The following KIF5B variants were observed in gnomAD, a reference collection of about 807,000 sequenced individuals.
KIF5B encodes the protein kinesin-1 heavy chain.
A neutral mutation model predicts 132.8 loss-of-function variants in KIF5B; 49 were observed. The ratio of observed to expected loss-of-function variants is 0.37; its 90% confidence interval spans 0.29 to 0.47. The LOEUF (loss-of-function observed/expected upper bound fraction) is 0.47. KIF5B is among the 20% of genes least tolerant of loss of function. The pLI, the probability that KIF5B is intolerant of heterozygous loss-of-function variation, is 1.00. For synonymous variants in KIF5B, 355 were observed against 369.4 expected, an observed-to-expected ratio of 0.96 and a Z score of 0.45; for missense variants, 780 against 1,144.0, an observed-to-expected ratio of 0.68 and a Z score of 4.59.
intron 2 of KIF5B, among the ~76,000 whole-genome samples, chr10:32,041,113 T>A (rs1841530959): frequency 1.4e-5 from 2 of 141,078 alleles, no homozygotes; most frequent in Non-Finnish European, 3.0e-5. Context: ...GCCACTGCAC[T>A]CCAGCCTGGG....
Position 32,055,994 on chromosome 10 carries a change from G to C in KIF5B, c.-21C>G. The C allele has an allele frequency of 6.3e-7, 1 of 1,596,542 alleles. No homozygotes were observed. The highest frequency in any genetic ancestry group is 8.5e-7 in the Non-Finnish European group (1 of 1,178,760). On this transcript the variant is annotated 5_prime_UTR_variant, in exon 1 of 26. Coordinates refer to ENST00000302418, the MANE Select transcript of KIF5B (RefSeq NM_004521.3). Reference sequence around the variant, plus strand: ...GCCATCTTTCTCGCAGCCGGGGCCGGCGGCCGGGAGCCACTCCCCGCCGCT... The same window carrying C: ...GCCATCTTTCTCGCAGCCGGGGCCGCCGGCCGGGAGCCACTCCCCGCCGCT...
chr10:32,038,290 G>T, intron 5 of KIF5B, 72 bp from the exon 6 acceptor site: 2 of 1,014,822 alleles, frequency 2.0e-6, no homozygotes, highest in Non-Finnish European at 3.1e-6. Context: ...TAACTGATAG[G>T]CTTTCCTGAG....
chr10:32,050,717 T>A (rs1342901974), intron 1 of KIF5B, among the ~76,000 whole-genome samples: 1 of 152,258 alleles, frequency 6.6e-6, no homozygotes, highest in Admixed American at 6.5e-5. Context: ...TAGGCATCGA[T>A]GTCTGATTAT....
intron 13 of KIF5B, among the ~76,000 whole-genome samples, chr10:32,032,057 G>T (rs995238764): frequency 1.3e-5 from 2 of 151,614 alleles, no homozygotes; most frequent in African/African-American, 4.8e-5. Flanking sequence ...GGGATGCCAA[G>T]AGACTAGTTA....
At chr10:32,020,027 T>C (rs1193054123) in intron 19 of KIF5B, 68 bp from the exon 20 acceptor site, 14 of 1,061,284 alleles carry the variant, frequency 1.3e-5, no homozygotes, top group African/African-American at 3.2e-5. Context: ...TCATTAAAAT[T>C]TCCAAACTTT....
chr10:32,031,486 CTG>C (rs1010791630), intron 13 of KIF5B, among the ~76,000 whole-genome samples: 2 of 152,078 alleles, frequency 1.3e-5, no homozygotes, highest in African/African-American at 4.8e-5. Flanking sequence ...AAATCAAAGA[CTG>C]TGTTTAAGGA....
chr10:32,031,381 G>A, intron 13 of KIF5B, 102 bp from the exon 14 acceptor site: 1 of 833,904 alleles, frequency 1.2e-6, no homozygotes, highest in African/African-American at 1.7e-5. Flanking sequence ...GTGAAATATG[G>A]ATGGTATTCA....
Position 32,015,627 on chromosome 10 carries a change from C to T in KIF5B, c.2794G>A (p.Ala932Thr). ...KPIRPGQHPAASPTHPSAIRG... is the reference protein window; with the variant it reads ...KPIRPGQHPATSPTHPSAIRG... ...ATTGCACTTGGGTGAGTTGGAGAAG[C>T]TGCTGGATGTTGCCCGGGACGAATA... The change falls in exon 25 of 26, where the codon GCT (alanine) becomes ACT (threonine). Residue 932 changes from alanine (A) to threonine (T), a missense_variant. This residue lies in a region of KIF5B where 90 missense variants were observed against 101.8 expected (regional missense o/e 0.88). Transcript: ENST00000302418. The T allele has an allele frequency of 6.2e-7, 1 of 1,613,544 alleles. No homozygotes were observed. The highest frequency in any genetic ancestry group is 8.5e-7 in the Non-Finnish European group (1 of 1,179,644).
chr10:32,045,062 C>T lies in KIF5B; in HGVS notation c.214+3402G>A, dbSNP rs905106996. 3.9e-5 allele frequency among the ~76,000 whole-genome samples: 6 copies of T among 152,100 alleles called. No homozygotes were observed. In the East Asian group the frequency reaches 9.6e-4, roughly 24 times the overall value. ...AAGTAATAGATGCATGTATCCTAAA[C>T]GTCAGGAAAACAGACTTCATCTTTT... On this transcript the variant is annotated intron_variant, in intron 2 of 25. Transcript: ENST00000302418.
chr10:32,050,638 T>A (rs535294626), intron 1 of KIF5B, among the ~76,000 whole-genome samples: 47 of 152,376 alleles, frequency 3.1e-4, no homozygotes, highest in African/African-American at 1.1e-3. Context: ...GCTGTTGGTT[T>A]TTCCTCTAAA....
At chr10:32,044,607 G>A (rs980195752) in intron 2 of KIF5B, among the ~76,000 whole-genome samples, 1 of 151,960 alleles carries the variant, frequency 6.6e-6, no homozygotes, top group Non-Finnish European at 1.5e-5. Context: ...GGGAGGCGGA[G>A]GTAGGTTACA....
chr10:32,056,030 G>A lies in KIF5B; in HGVS notation c.-57C>T, dbSNP rs1391739112. On this transcript the variant is annotated 5_prime_UTR_variant, in exon 1 of 26. Transcript: ENST00000302418. ...CCACTCCCCGCCGCTCAGTCTTGCAGGGAACGCGCCGGACCTGAGGGCTTG... is the reference window on the plus strand; with the variant it reads ...CCACTCCCCGCCGCTCAGTCTTGCAAGGAACGCGCCGGACCTGAGGGCTTG... The A allele has an allele frequency of 2.5e-6, 4 of 1,594,264 alleles. No homozygotes were observed. In the African/African-American group the frequency reaches 4.0e-5, roughly 16 times the overall value.
chr10:32,018,435 GAATAATCATGGTAGAAAAA>G (rs1228176049), intron 21 of KIF5B, 48 bp from the exon 22 acceptor site: 1 of 1,582,412 alleles, frequency 6.3e-7, no homozygotes, highest in Non-Finnish European at 8.6e-7. Context: ...TTTAAATTTA[GAATAATCATGGTAGAAAAA>G]ACCCACAAAA....
In KIF5B at chr10:32,056,026, T is replaced by G; in HGVS notation, c.-53A>C. The G allele has an allele frequency of 6.3e-7, 1 of 1,594,830 alleles. No homozygotes were observed. Among genetic ancestry groups the G allele is most frequent in the South Asian group, 1.1e-5 (1 of 90,738 alleles). On this transcript the variant is annotated 5_prime_UTR_variant, in exon 1 of 26. Coordinates refer to ENST00000302418, the MANE Select transcript of KIF5B (RefSeq NM_004521.3). The stretch of plus-strand genomic sequence containing the variant: ...GGAGCCACTCCCCGCCGCTCAGTCT[T>G]GCAGGGAACGCGCCGGACCTGAGGG...
At chr10:32,041,145 CAAA>C (rs35673564) in intron 2 of KIF5B, among the ~76,000 whole-genome samples, 1 of 101,740 alleles carries the variant, frequency 9.8e-6, no homozygotes, top group Non-Finnish European at 2.1e-5. Context: ...GACTCTGTCT[CAAA>C]AAAAAAAAAA....
chr10:32,015,752 C>A, intron 24 of KIF5B, 93 bp from the exon 25 acceptor site: 1 of 1,077,762 alleles, frequency 9.3e-7, no homozygotes, highest in Non-Finnish European at 1.3e-6. Flanking sequence ...CAACAAATTC[C>A]CAAATGTTTT....
At chr10:32,051,605 G>A (rs1368509312) in intron 1 of KIF5B, among the ~76,000 whole-genome samples, 1 of 152,130 alleles carries the variant, frequency 6.6e-6, no homozygotes, top group Non-Finnish European at 1.5e-5. Context: ...AAATAATTGA[G>A]ACTGGAGTGA....
intron 15 of KIF5B, among the ~76,000 whole-genome samples, chr10:32,024,445 C>T (rs2132589973): frequency 6.7e-6 from 1 of 149,882 alleles, no homozygotes; most frequent in South Asian, 2.1e-4. Flanking sequence ...TGAGCCACCG[C>T]GCCCGGCCGA....
intron 25 of KIF5B, among the ~76,000 whole-genome samples, chr10:32,014,802 T>C (rs185552987): frequency 1.1e-4 from 16 of 152,288 alleles, no homozygotes; most frequent in Admixed American, 8.5e-4. Flanking sequence ...CTTCTGGAAA[T>C]AATCTCTAAC....
Sources: allele counts gnomAD v4.1 joint callset (sites outside exome capture counted in the v4.1 genomes callset), GRCh38; gene constraint gnomAD v4.1.1; regional missense constraint gnomAD v4.1.1; transcripts MANE v1.5; gene names NCBI Gene and HGNC (gene_info 2026-07-23, HGNC 2026-07-21).